Variants in PTGES3L observed in about 807,000 individuals in gnomAD.
PTGES3L encodes prostaglandin E synthase 3 like.
PTGES3L carries 17 observed loss-of-function variants against 25.0 expected under a neutral mutation model. The observed-to-expected ratio is 0.68, with a 90% CI of 0.47 to 1.02. PTGES3L has a LOEUF of 1.02. Ranked by LOEUF, PTGES3L falls within the 50% of genes least tolerant of loss-of-function variation. The pLI is 0.00. For missense variants in PTGES3L, 202 were observed against 197.5 expected (o/e 1.02, Z -0.14); for synonymous variants, 59 against 65.7 (o/e 0.90, Z 0.50).
intron 4 of PTGES3L, among the ~76,000 whole-genome samples, chr17:42,972,771 G>A (rs2049869773): frequency 6.6e-6 from 1 of 151,090 alleles, no homozygotes; most frequent in South Asian, 2.1e-4. Context: ...GAGTGTCTCT[G>A]CCTGGCCGCC....
chr17:42,974,218 G>C (rs2049913518), intron 4 of PTGES3L, among the ~76,000 whole-genome samples: 1 of 151,276 alleles, frequency 6.6e-6, no homozygotes, highest in Non-Finnish European at 1.5e-5. Flanking sequence ...AAATTAGCTG[G>C]GCATGGTGGC....
chr17:42,973,544 A>C (rs1394366663), intron 4 of PTGES3L, among the ~76,000 whole-genome samples: 2 of 152,066 alleles, frequency 1.3e-5, no homozygotes, highest in African/African-American at 4.8e-5. Context: ...GGCTTTGTGG[A>C]ATAGAAAGGC....
At chr17:42,970,156 T>C in intron 6 of PTGES3L, 133 bp downstream of exon 6, 1 of 1,063,882 alleles carries the variant, frequency 9.4e-7, no homozygotes, top group Non-Finnish European at 1.4e-6. Context: ...ATTAGCCCTC[T>C]TGGGTCAAAC....
At chr17:42,971,284 CCA>C (rs56818030) in intron 5 of PTGES3L, among the ~76,000 whole-genome samples, 3 of 149,504 alleles carry the variant, frequency 2.0e-5, no homozygotes, top group South Asian at 2.1e-4. Context: ...CGACAGAAAA[CCA>C]CACACACACA....
At chr17:42,975,246 G>A (rs914663478) in intron 4 of PTGES3L, among the ~76,000 whole-genome samples, 4 of 152,024 alleles carry the variant, frequency 2.6e-5, no homozygotes, top group Admixed American at 6.6e-5. Context: ...GTGTGGTGGT[G>A]GAGTTATATA....
intron 1 of PTGES3L, 33 bp downstream of exon 1, chr17:42,980,013 G>A (rs1302026809): frequency 1.9e-6 from 3 of 1,541,914 alleles, no homozygotes; most frequent in Non-Finnish European, 1.7e-6. Context: ...AGGGAAAAGG[G>A]CCAGGGGGAG....
intron 4 of PTGES3L, among the ~76,000 whole-genome samples, chr17:42,976,354 T>G (rs948436869): frequency 6.6e-6 from 1 of 152,170 alleles, no homozygotes; most frequent in African/African-American, 2.4e-5. Flanking sequence ...CTAATAAAAA[T>G]TTTTTAATGT....
At chr17:42,977,878 A>G (rs187761126) in intron 4 of PTGES3L, among the ~76,000 whole-genome samples, 2 of 151,880 alleles carry the variant, frequency 1.3e-5, no homozygotes, top group Non-Finnish European at 2.9e-5. Context: ...CAGGAGTTTG[A>G]GACCAGCCTG....
At chr17:42,970,371 G>A in intron 5 of PTGES3L, 29 bp from the exon 6 acceptor site, 1 of 1,613,248 alleles carries the variant, frequency 6.2e-7, no homozygotes, top group Non-Finnish European at 8.5e-7. Context: ...AATCACAAGG[G>A]AGAAGGGAGT....
In PTGES3L at chr17:42,979,404, C is replaced by T. The variant is rs534932828; in HGVS notation, c.163G>A (p.Glu55Lys). The change falls in exon 3 of 7, where the codon GAG (glutamate) becomes AAG (lysine). Residue 55 changes from glutamate to lysine, a missense_variant. Physicochemically the swap from Glu to Lys is moderately conservative, Grantham distance 56 (BLOSUM62 1). Coordinates refer to ENST00000591916, the MANE Select transcript of PTGES3L (RefSeq NM_001261430.2). ...ADGVELYNEIEFYAKVNSKDS... is the reference protein window; with the variant it reads ...ADGVELYNEIKFYAKVNSKDS... ...TTGGAGTTCACTTTGGCATAGAACT[C>T]AATCTCATTGTACAACTCCACTCCA... 67 of 1,614,170 alleles carry T rather than the reference C, an allele frequency of 4.2e-5. No homozygotes were observed. The Admixed American group carries it at 1.0e-3, about 25-fold the overall frequency.
At chr17:42,973,209 C>CGCCCG (rs2049885139) in intron 4 of PTGES3L, among the ~76,000 whole-genome samples, 1 of 23,848 alleles carries the variant, frequency 4.2e-5, no homozygotes, top group African/African-American at 1.5e-4. Flanking sequence ...GTCAGCCCCC[C>CGCCCG]GCCCGGCCAG....
chr17:42,969,320 G>A, intron 6 of PTGES3L, 134 bp from the exon 7 acceptor site: 1 of 507,250 alleles, frequency 2.0e-6, no homozygotes, highest in Non-Finnish European at 3.5e-6. Context: ...CCCAACTTAG[G>A]GGGCTAATAT....
In PTGES3L at chr17:42,977,434, AAAAATAC is replaced by A. The variant is rs533952095; in HGVS notation, c.288+1729_288+1735del. 1.8e-4 allele frequency among the ~76,000 whole-genome samples: 27 copies of A among 149,316 alleles called. No homozygotes were observed. The South Asian group carries it at 4.5e-3, about 25-fold the overall frequency. On this transcript the variant is annotated intron_variant, in intron 4 of 6. Coordinates refer to ENST00000591916, the MANE Select transcript of PTGES3L (RefSeq NM_001261430.2). ...GAGTGAGACTCTATCTCAAAAAAAA[AAAAATAC>A]AAAAATACAAAAATTAGCCGGGCGT... is the stretch of plus-strand genomic sequence containing the variant.
chr17:42,970,876 G>A (rs2049824727), intron 5 of PTGES3L, among the ~76,000 whole-genome samples: 1 of 151,832 alleles, frequency 6.6e-6, no homozygotes, highest in South Asian at 2.1e-4. Context: ...GGGTGGTGGC[G>A]CATGCCTGTA....
intron 5 of PTGES3L, 143 bp from the exon 6 acceptor site, chr17:42,970,485 G>T: frequency 3.4e-6 from 3 of 887,092 alleles, no homozygotes; most frequent in Non-Finnish European, 5.1e-6. Flanking sequence ...GAATTAATTT[G>T]AGAAAAGTAA....
At chr17:42,970,401 C>A in intron 5 of PTGES3L, 59 bp from the exon 6 acceptor site, 1 of 1,595,918 alleles carries the variant, frequency 6.3e-7, no homozygotes, top group Non-Finnish European at 8.6e-7. Context: ...ACAATCTGCA[C>A]ATTGATGGTC....
At position 42,968,180 on chromosome 17, in the gene PTGES3L, AG is replaced by A. The variant is rs1375065891; in HGVS notation, c.*967del. 1 of 152,326 alleles carries A rather than the reference AG, an allele frequency of 6.6e-6. No homozygotes were observed. Among genetic ancestry groups the A allele is most frequent in the East Asian group, 1.9e-4 (1 of 5,192 alleles). The allele number at this position is 152,326 out of a possible 1,614,324, so 9.4% of individuals were successfully genotyped here. The stretch of plus-strand genomic sequence containing the variant: ...CACTCAAAAAAGTTTATGGACAAAT[AG>A]AATAGCTGTTGGACAAATAAACATA... On this transcript the variant is annotated 3_prime_UTR_variant, in exon 7 of 7. Transcript: ENST00000591916.
chr17:42,974,480 A>C (rs1422272892), intron 4 of PTGES3L, among the ~76,000 whole-genome samples: 1 of 152,048 alleles, frequency 6.6e-6, no homozygotes, highest in Non-Finnish European at 1.5e-5. Context: ...TTCATTCAAA[A>C]GATATTTATT....
chr17:42,977,134 T>C (rs537888133), intron 4 of PTGES3L, among the ~76,000 whole-genome samples: 6 of 151,506 alleles, frequency 4.0e-5, no homozygotes, highest in African/African-American at 1.2e-4. Flanking sequence ...CTACTAAAAA[T>C]ACAAAAAATT....
Sources: allele counts gnomAD v4.1 joint callset (sites outside exome capture counted in the v4.1 genomes callset), GRCh38; gene constraint gnomAD v4.1.1; transcripts MANE v1.5; gene names NCBI Gene and HGNC (gene_info 2026-07-23, HGNC 2026-07-21).